The following MALRD1 variants were observed in gnomAD, a reference collection of about 807,000 sequenced individuals.
MALRD1 encodes the protein MAM and LDL receptor class A domain containing 1.
MALRD1 carries 247 observed loss-of-function variants against 242.1 expected under a neutral mutation model. The observed-to-expected ratio is 1.02, with a 90% CI of 0.92 to 1.13. The LOEUF is 1.13. Among genes scored for constraint, MALRD1 ranks in the 50% most tolerant of loss-of-function variants. The pLI is 0.00. For missense variants in MALRD1, 2,989 were observed against 2,533.1 expected, an observed-to-expected ratio of 1.18 and a Z score of -3.86; for synonymous variants, 995 against 866.6, an observed-to-expected ratio of 1.15 and a Z score of -2.60.
At chr10:19,072,411 T>C (rs866970408) in intron 2 of MALRD1, among the ~76,000 whole-genome samples, 1 of 152,186 alleles carries the variant, frequency 6.6e-6, no homozygotes, top group Admixed American at 6.6e-5. Context: ...ATAATTAATA[T>C]CATTGTTACA....
At chr10:19,232,405 T>G (rs1222375188) in intron 18 of MALRD1, among the ~76,000 whole-genome samples, 1 of 151,778 alleles carries the variant, frequency 6.6e-6, no homozygotes, top group East Asian at 1.9e-4. Context: ...CTCCAATTCC[T>G]GACTTCAAGT....
Position 19,368,821 on chromosome 10 carries a change from A to G in MALRD1, c.4441+16524A>G, listed in dbSNP as rs371420308. 4.7e-5 allele frequency among the ~76,000 whole-genome samples: 7 copies of G among 149,494 alleles called. No homozygotes were observed. The South Asian group carries it at 8.4e-4, about 18-fold the overall frequency. On this transcript the variant is annotated intron_variant, in intron 26 of 39. Transcript: ENST00000454679. ...TTTGGTGTTTTCCTCGTAGACTTCA[A>G]TTCGCTTTTTCCTGATAGCTTTTTG...
At chr10:19,428,408 C>A (rs947391016) in intron 28 of MALRD1, among the ~76,000 whole-genome samples, 1 of 152,000 alleles carries the variant, frequency 6.6e-6, no homozygotes, top group Non-Finnish European at 1.5e-5. Context: ...AAATTTTAAT[C>A]CCTGAATACG....
At chr10:19,587,150 C>G (rs937054932) in intron 33 of MALRD1, among the ~76,000 whole-genome samples, 1 of 152,180 alleles carries the variant, frequency 6.6e-6, no homozygotes, top group East Asian at 1.9e-4. Flanking sequence ...GAGATGAACC[C>G]GGTACCTCAG....
chr10:19,181,779 C>T (rs1170391585), intron 14 of MALRD1, among the ~76,000 whole-genome samples: 1 of 152,030 alleles, frequency 6.6e-6, no homozygotes, highest in Non-Finnish European at 1.5e-5. Flanking sequence ...GGATAATTTG[C>T]CTCACTGTAA....
At chr10:19,421,007 C>G (rs1247993076) in intron 28 of MALRD1, among the ~76,000 whole-genome samples, 1 of 152,190 alleles carries the variant, frequency 6.6e-6, no homozygotes, top group East Asian at 1.9e-4. Context: ...CAAAATGACT[C>G]TACCCTTGGT....
chr10:19,507,986 C>T (rs923938639), intron 31 of MALRD1, among the ~76,000 whole-genome samples: 1 of 151,936 alleles, frequency 6.6e-6, no homozygotes, highest in Non-Finnish European at 1.5e-5. Context: ...AGGATCTCTG[C>T]CATCATGTGG....
chr10:19,532,733 T>G (rs1481790238), intron 32 of MALRD1, among the ~76,000 whole-genome samples: 1 of 76,394 alleles, frequency 1.3e-5, no homozygotes, highest in Non-Finnish European at 3.0e-5. Context: ...AAGTTGAGAA[T>G]TTATCCTGAC....
chr10:19,285,090 G>C (rs1226152514), intron 21 of MALRD1, among the ~76,000 whole-genome samples: 4 of 133,482 alleles, frequency 3.0e-5, no homozygotes, highest in African/African-American at 1.2e-4. Context: ...CCCACTTTTT[G>C]TTGGGGTTGT....
chr10:19,250,012 G>T (rs1281228786), intron 18 of MALRD1, among the ~76,000 whole-genome samples: 1 of 151,916 alleles, frequency 6.6e-6, no homozygotes, highest in Middle Eastern at 3.4e-3. Context: ...AGAAAGACTT[G>T]TATATTAAAA....
intron 32 of MALRD1, among the ~76,000 whole-genome samples, chr10:19,548,988 T>C (rs1223879835): frequency 2.0e-5 from 3 of 152,178 alleles, no homozygotes; most frequent in East Asian, 3.9e-4. Context: ...TTAAAAGTGC[T>C]ACTCCAGTGA....
At chr10:19,050,807 C>T (rs1834470731) in intron 1 of MALRD1, among the ~76,000 whole-genome samples, 1 of 151,994 alleles carries the variant, frequency 6.6e-6, no homozygotes. Flanking sequence ...GTGCCAAGTC[C>T]CTTCCATTAT....
At chr10:19,499,992 A>G (rs1280117663) in intron 31 of MALRD1, among the ~76,000 whole-genome samples, 2 of 152,174 alleles carry the variant, frequency 1.3e-5, no homozygotes, top group Non-Finnish European at 2.9e-5. Flanking sequence ...ACTCTTTGAT[A>G]TGATGGTGGA....
chr10:19,191,080 T>C (rs2131584783), intron 14 of MALRD1, among the ~76,000 whole-genome samples: 1 of 152,216 alleles, frequency 6.6e-6, no homozygotes, highest in East Asian at 1.9e-4. Flanking sequence ...ATATCCACAA[T>C]ATAGGAGAGA....
intron 35 of MALRD1, among the ~76,000 whole-genome samples, chr10:19,613,624 A>C (rs1205868189): frequency 6.6e-6 from 1 of 152,018 alleles, no homozygotes; most frequent in African/African-American, 2.4e-5. Flanking sequence ...GGGCTCCCAA[A>C]TTTTAGTCTT....
intron 29 of MALRD1, among the ~76,000 whole-genome samples, chr10:19,463,111 A>G (rs894553341): frequency 1.1e-4 from 16 of 152,170 alleles, no homozygotes; most frequent in Non-Finnish European, 1.3e-4. Context: ...ATAGAGAACC[A>G]ATAGCCTACC....
chr10:19,724,438 AG>A (rs1290889189), intron 38 of MALRD1, among the ~76,000 whole-genome samples: 1 of 152,238 alleles, frequency 6.6e-6, no homozygotes, highest in Non-Finnish European at 1.5e-5. Context: ...TTTGAAGGAC[AG>A]GCCTCTCAGC....
chr10:19,605,905 C>T (rs2131587888), intron 34 of MALRD1, among the ~76,000 whole-genome samples: 1 of 152,162 alleles, frequency 6.6e-6, no homozygotes, highest in East Asian at 1.9e-4. Flanking sequence ...AGTTCTAAGA[C>T]ACTGTGTTAC....
chr10:19,627,298 T>C (rs544684046), intron 36 of MALRD1, among the ~76,000 whole-genome samples: 2 of 152,100 alleles, frequency 1.3e-5, no homozygotes, highest in East Asian at 3.9e-4. Flanking sequence ...GGGTCTTTTC[T>C]AAGCTTAGTA....
Sources: gnomAD v4.1 joint callset for allele counts (sites outside exome capture counted in the v4.1 genomes callset) on GRCh38, gnomAD v4.1.1 for gene constraint, MANE v1.5 for transcripts, NCBI Gene and HGNC (gene_info 2026-07-23, HGNC 2026-07-21) for gene names.